PPP2R2A: variants seen among roughly 807,000 people sequenced by gnomAD.
PPP2R2A encodes the protein protein phosphatase 2 regulatory subunit Balpha.
A neutral mutation model predicts 53.2 loss-of-function variants in PPP2R2A; 9 were observed. The ratio of observed to expected loss-of-function variants is 0.17; its 90% CI spans 0.10 to 0.30. PPP2R2A has a LOEUF of 0.30. Ranked by LOEUF, PPP2R2A falls within the 10% of genes least tolerant of loss-of-function variation. The pLI is 1.00. For synonymous variants in PPP2R2A, 169 were observed against 174.2 expected, an observed-to-expected ratio of 0.97 and a Z score of 0.23; for missense variants, 235 against 534.6, an observed-to-expected ratio of 0.44 and a Z score of 5.53.
chr8:26,324,698 C>T (rs1248896403), intron 2 of PPP2R2A, among the ~76,000 whole-genome samples: 1 of 152,116 alleles, frequency 6.6e-6, no homozygotes, highest in Non-Finnish European at 1.5e-5. Context: ...GTAGATCCAC[C>T]GACAGCTTGC....
chr8:26,369,291 A>G (rs1034262238), intron 9 of PPP2R2A, among the ~76,000 whole-genome samples: 1 of 151,754 alleles, frequency 6.6e-6, no homozygotes, highest in African/African-American at 2.4e-5. Context: ...CAGTGGCACA[A>G]TCTTGGCTCA....
At chr8:26,315,595 T>A (rs1423603341) in intron 2 of PPP2R2A, among the ~76,000 whole-genome samples, 1 of 152,224 alleles carries the variant, frequency 6.6e-6, no homozygotes, top group Non-Finnish European at 1.5e-5. Context: ...CTTGCATAGA[T>A]GTTTCAACCA....
chr8:26,295,607 A>G (rs12676426), intron 2 of PPP2R2A, among the ~76,000 whole-genome samples: 34,382 of 152,150 alleles, frequency 0.23, 5,029 homozygotes, highest in Non-Finnish European at 0.32. Flanking sequence ...TTTTCTACTG[A>G]TTGGTTAAAT....
chr8:26,304,190 C>T (rs981822090), intron 2 of PPP2R2A, among the ~76,000 whole-genome samples: 19 of 122,870 alleles, frequency 1.5e-4, no homozygotes, highest in Non-Finnish European at 2.9e-4. Context: ...TTTTTCTTAC[C>T]GGTCCTCTTA....
intron 3 of PPP2R2A, among the ~76,000 whole-genome samples, chr8:26,344,476 T>G (rs1007810224): frequency 9.2e-5 from 14 of 152,210 alleles, no homozygotes; most frequent in African/African-American, 3.1e-4. Context: ...TTATACCTAA[T>G]GAGGAAAGTA....
chr8:26,342,581 G>A (rs1038175761), intron 3 of PPP2R2A, among the ~76,000 whole-genome samples: 2 of 152,138 alleles, frequency 1.3e-5, no homozygotes, highest in Admixed American at 6.5e-5. Flanking sequence ...TAGTGTGGGT[G>A]TGTGGGTGCT....
At chr8:26,292,435 C>T (rs1801343087) in intron 1 of PPP2R2A, 1 of 985,156 alleles carries the variant, frequency 1.0e-6, no homozygotes, top group African/African-American at 1.7e-5. Flanking sequence ...AGTGCAAGGC[C>T]TTTCATGTAC....
Position 26,312,078 on chromosome 8 carries a change from A to T in PPP2R2A, c.82+18338A>T, listed in dbSNP as rs371581744. 7.2e-5 allele frequency among the ~76,000 whole-genome samples: 11 copies of T among 152,324 alleles called. No homozygotes were observed. The South Asian group carries it at 8.3e-4, about 11-fold the overall frequency. ...GTTCTTCTACTCACTTGTTTGTATG[A>T]TGATCTGAATCTTTTATCAGAGTTT... On this transcript the variant is annotated intron_variant, in intron 2 of 9. Coordinates refer to ENST00000380737, the MANE Select transcript of PPP2R2A (RefSeq NM_002717.4).
chr8:26,314,008 A>G (rs971708072), intron 2 of PPP2R2A, among the ~76,000 whole-genome samples: 1 of 152,130 alleles, frequency 6.6e-6, no homozygotes, highest in Non-Finnish European at 1.5e-5. Flanking sequence ...ATTTTTTTCT[A>G]TTATTGTTTT....
chr8:26,304,710 G>A (rs370985415), intron 2 of PPP2R2A, among the ~76,000 whole-genome samples: 42 of 152,266 alleles, frequency 2.8e-4, no homozygotes, highest in African/African-American at 8.7e-4. Context: ...TCTAATTCAA[G>A]AGAAACAGGC....
rs957172811 is a variant in PPP2R2A at position 26,321,543 on chromosome 8, A to T, written c.83-17347A>T. On this transcript the variant is annotated intron_variant, in intron 2 of 9. Coordinates refer to ENST00000380737, the MANE Select transcript of PPP2R2A (RefSeq NM_002717.4). The surrounding 1 kb of genome is among the most constrained non-coding windows in gnomAD (Gnocchi z 4.1). ...AGGTTACAGAAAGGTTTTGGCATCC[A>T]TGTTGGGCTGCCCTATTTCACTTGC... 6.6e-6 allele frequency among the ~76,000 whole-genome samples: 1 copy of T among 152,188 alleles called. No individual in the cohort carries two copies. The highest frequency in any genetic ancestry group is 1.5e-5 in the Non-Finnish European group (1 of 68,022).
At chr8:26,355,050 A>G (rs980910508) in intron 4 of PPP2R2A, among the ~76,000 whole-genome samples, 2 of 152,236 alleles carry the variant, frequency 1.3e-5, no homozygotes, top group African/African-American at 2.4e-5. Context: ...CAAGTGCTCA[A>G]TAAATGTTAA....
At chr8:26,319,245 A>G (rs1013771814) in intron 2 of PPP2R2A, among the ~76,000 whole-genome samples, 6 of 152,140 alleles carry the variant, frequency 3.9e-5, no homozygotes, top group South Asian at 2.1e-4. Context: ...CCTTTTGGCT[A>G]TTTCAATAGT....
At chr8:26,352,398 G>T (rs918644130) in intron 3 of PPP2R2A, among the ~76,000 whole-genome samples, 30 of 152,184 alleles carry the variant, frequency 2.0e-4, no homozygotes, top group Admixed American at 1.8e-3. Context: ...TCTACTGTCA[G>T]TTACCACTTG....
rs995330067 is a variant in PPP2R2A at position 26,334,010 on chromosome 8, T to TA, written c.83-4880_83-4879insA. 2.6e-4 allele frequency among the ~76,000 whole-genome samples: 40 copies of TA among 151,798 alleles called. 1 individual carries two copies. The highest frequency in any genetic ancestry group is 1.1e-3 in the Admixed American group (17 of 15,258). ...TAAAATTTAAGAACATTACATTACT[T>TA]TTTTTTTAACAAAAATACTCTTATG... On this transcript the variant is annotated intron_variant, in intron 2 of 9. Coordinates refer to ENST00000380737, the MANE Select transcript of PPP2R2A (RefSeq NM_002717.4).
Position 26,354,578 on chromosome 8 carries a change from C to T in PPP2R2A, c.291C>T (p.Asn97=), listed in dbSNP as rs1059235. The change falls in exon 4 of 10, where the codon AAC becomes AAT. Residue 97 remains asparagine (N), a synonymous_variant. Coordinates refer to ENST00000380737, the MANE Select transcript of PPP2R2A (RefSeq NM_002717.4). The surrounding 1 kb of genome is among the most constrained non-coding windows in gnomAD (Gnocchi z 4.6). ...GTTTAGAAATAGAAGAAAAGATCAACAAAATTAGGTGGTTACCCCAGAAAA... is the reference window on the plus strand; with the variant it reads ...GTTTAGAAATAGAAGAAAAGATCAATAAAATTAGGTGGTTACCCCAGAAAA... The part of the protein sequence containing the change: ...LKSLEIEEKI[N]KIRWLPQKNA... 1 of 1,611,008 alleles carries T rather than the reference C, an allele frequency of 6.2e-7. No individual in the cohort carries two copies. Among genetic ancestry groups the T allele is most frequent in the South Asian group, 1.1e-5 (1 of 90,662 alleles).
Position 26,301,786 on chromosome 8 carries a change from A to G in PPP2R2A, c.82+8046A>G, listed in dbSNP as rs533962385. Among the ~76,000 whole-genome samples, 10 of 152,284 alleles carry G rather than the reference A, an allele frequency of 6.6e-5. No homozygotes were observed. The South Asian group carries it at 2.1e-3, about 32-fold the overall frequency. ...TGTCTGTGAAGTAAAAACTATTTTCACAGTAGTACTCAGGTGATACTTGCC... is the reference window on the plus strand; with the variant it reads ...TGTCTGTGAAGTAAAAACTATTTTCGCAGTAGTACTCAGGTGATACTTGCC... On this transcript the variant is annotated intron_variant, in intron 2 of 9. Transcript: ENST00000380737.
intron 3 of PPP2R2A, chr8:26,339,998 A>G (rs1317228758): frequency 6.6e-6 from 1 of 152,100 alleles, no homozygotes; most frequent in Non-Finnish European, 1.5e-5. Context: ...TTTAAAAGAA[A>G]TGATTAATAG....
intron 2 of PPP2R2A, among the ~76,000 whole-genome samples, chr8:26,319,950 T>A (rs1802750573): frequency 6.6e-6 from 1 of 152,226 alleles, no homozygotes; most frequent in African/African-American, 2.4e-5. Flanking sequence ...CTTAAGTTCC[T>A]TTTTGGGTTG....
Sources: gnomAD v4.1 joint callset for allele counts (sites outside exome capture counted in the v4.1 genomes callset) on GRCh38, gnomAD v4.1.1 for gene constraint, Gnocchi (gnomAD v3.1) non-coding constraint, MANE v1.5 for transcripts, NCBI Gene and HGNC (gene_info 2026-07-23, HGNC 2026-07-21) for gene names.